MROH2A: variants seen among roughly 807,000 people sequenced by gnomAD.
MROH2A encodes maestro heat-like repeat-containing protein family member 2A.
In MROH2A, 174 loss-of-function variants were observed where a neutral mutation model predicts 200.4. The observed-to-expected ratio is 0.87, with a 90% CI of 0.77 to 0.98. The LOEUF (loss-of-function observed/expected upper bound fraction) is 0.98, where lower values mean the gene tolerates loss of function less well. Ranked by LOEUF, MROH2A falls within the 50% of genes least tolerant of loss-of-function variation. The pLI is 0.00. For missense variants in MROH2A, 2,045 were observed against 2,139.6 expected (o/e 0.96, Z 0.87); for synonymous variants, 829 against 840.4 (o/e 0.99, Z 0.23).
chr2:233,787,665 TATATATATTATATATAC>T (rs1398880636), intron 3 of MROH2A, among the ~76,000 whole-genome samples: 164 of 75,756 alleles, frequency 2.2e-3, no homozygotes, highest in African/African-American at 2.5e-3. Context: ...ACATATATAT[TATATATATTATATATAC>T]ATATATATTA....
At chr2:233,796,408 C>T in intron 11 of MROH2A, 95 bp downstream of exon 11, 1 of 806,906 alleles carries the variant, frequency 1.2e-6, no homozygotes, top group Non-Finnish European at 2.0e-6. Flanking sequence ...CGGGCATTGC[C>T]ACTTCCTAGA....
At chr2:233,811,344 G>A (rs533847432) in intron 23 of MROH2A, among the ~76,000 whole-genome samples, 1 of 152,348 alleles carries the variant, frequency 6.6e-6, no homozygotes, top group East Asian at 1.9e-4. Flanking sequence ...CTGTCCAAAG[G>A]CTGATGGAAC....
upstream of MROH2A, chr2:233,778,264 G>A (rs984035696): frequency 1.1e-4 from 18 of 160,026 alleles, no homozygotes; most frequent in Middle Eastern, 5.8e-4. Context: ...GGATCTCAAA[G>A]TTCCGAGGGT....
rs1418249788 is a variant in MROH2A at position 233,796,433 on chromosome 2, C to T, written c.1252+120C>T. The T allele has an allele frequency of 1.1e-5, 7 of 643,004 alleles. No individual in the cohort carries two copies. The East Asian group carries it at 1.1e-4, about 10-fold the overall frequency. The allele number at this position is 643,004 out of a possible 1,614,324, so 39.8% of individuals were successfully genotyped here. A position where few individuals can be genotyped will look rare whatever the true frequency, so the allele number is the denominator to read the frequency against. ...CACTTCCTAGACACTACTGGGTGGG[C>T]CAAGAAAGCCAAGGTTCTTGGCTGC... On this transcript the variant is annotated intron_variant, in intron 11 of 41. Transcript: ENST00000389758.
At chr2:233,811,367 CA>C (rs1287989435) in intron 23 of MROH2A, among the ~76,000 whole-genome samples, 1 of 152,218 alleles carries the variant, frequency 6.6e-6, no homozygotes, top group Non-Finnish European at 1.5e-5. Flanking sequence ...GTGGGGCCGC[CA>C]ATGTCCTTAA....
intron 16 of MROH2A, among the ~76,000 whole-genome samples, chr2:233,803,846 C>G (rs1425895438): frequency 1.3e-5 from 2 of 152,134 alleles, no homozygotes; most frequent in Admixed American, 6.5e-5. Flanking sequence ...TGCACTGAAG[C>G]CTGGGGTGGG....
chr2:233,785,071 G>T (rs965024250), intron 3 of MROH2A, among the ~76,000 whole-genome samples: 23 of 152,036 alleles, frequency 1.5e-4, no homozygotes, highest in Admixed American at 7.9e-4. Flanking sequence ...GCTTGAACCC[G>T]GGAGGTGGAG....
Position 233,828,208 on chromosome 2 carries a change from C to T in MROH2A, c.4114-422C>T, listed in dbSNP as rs72970232. Among the ~76,000 whole-genome samples the T allele has an allele frequency of 4.6e-5, 7 of 152,282 alleles. No individual in the cohort carries two copies. The highest frequency in any genetic ancestry group is 1.3e-4 in the Admixed American group (2 of 15,308). ...GCATGCACACATGTACACACATGTA[C>T]ACACATGCATGCACCCACACGCATA... On this transcript the variant is annotated intron_variant, in intron 35 of 41. Coordinates refer to ENST00000389758, the MANE Select transcript of MROH2A (RefSeq NM_001394639.1). This position sits in a 1 kb window ranked among gnomAD's most constrained non-coding sequence, Gnocchi z 4.6.
rs763334333 is a variant in MROH2A, at chr2:233,831,544, A to T, written c.4734+4A>T. Reference sequence around the variant, plus strand: ...GACAACCATGTGCTCCATCCTGGTGAGGAAGCCAAAGGGGGAACCAGCCCG... The same window carrying T: ...GACAACCATGTGCTCCATCCTGGTGTGGAAGCCAAAGGGGGAACCAGCCCG... On this transcript the variant is annotated splice_donor_region_variant and intron_variant, in intron 39 of 41. Transcript: ENST00000389758. 1 of 1,548,196 alleles carries T rather than the reference A, an allele frequency of 6.5e-7. No individual in the cohort carries two copies. The highest frequency in any genetic ancestry group is 2.4e-5 in the East Asian group (1 of 40,834).
rs1042520691 is a variant in MROH2A at position 233,803,471 on chromosome 2, C to T, written c.1732C>T (p.Leu578=). The T allele has an allele frequency of 1.8e-5, 28 of 1,550,512 alleles. No individual in the cohort carries two copies. Among genetic ancestry groups the T allele is most frequent in the Non-Finnish European group, 2.4e-5 (27 of 1,146,962 alleles). ...AGTGGACCTGCCTGCACCTCAGAAG[C>T]TGCTGGCCCGTCTCCTGGTGAGTGG... is the stretch of plus-strand genomic sequence containing the variant. ...RQVDLPAPQK[L]LARLLVLMSS... The change falls in exon 16 of 42, where the codon CTG becomes TTG. Residue 578 remains leucine, a synonymous_variant. Coordinates refer to ENST00000389758, the MANE Select transcript of MROH2A (RefSeq NM_001394639.1).
At chr2:233,799,614 C>A (rs1344524559) in intron 12 of MROH2A, among the ~76,000 whole-genome samples, 166 bp from the exon 13 acceptor site, 1 of 152,088 alleles carries the variant, frequency 6.6e-6, no homozygotes, top group African/African-American at 2.4e-5. Flanking sequence ...CAGAGTGGGA[C>A]CCCTGGATGA....
At chr2:233,808,079 C>G (rs1223522136) in intron 21 of MROH2A, among the ~76,000 whole-genome samples, 1 of 152,186 alleles carries the variant, frequency 6.6e-6, no homozygotes, top group Non-Finnish European at 1.5e-5. Context: ...GACCCAGATA[C>G]TGTCACGGAG....
At position 233,799,763 on chromosome 2, in the gene MROH2A, C is replaced by T. The variant is rs541743303; in HGVS notation, c.1330-17C>T. The T allele has an allele frequency of 7.1e-6, 11 of 1,550,198 alleles. No individual in the cohort carries two copies. The highest frequency in any genetic ancestry group is 1.7e-4 in the Middle Eastern group (1 of 5,928). ...CCCACCCCAACCCCCAGCATGTCCA[C>T]GGTCCTGTCCCCTCAGGTGAGGATG... On this transcript the variant is annotated splice_polypyrimidine_tract_variant and intron_variant, in intron 12 of 41. Coordinates refer to ENST00000389758, the MANE Select transcript of MROH2A (RefSeq NM_001394639.1).
At chr2:233,804,326 G>C in intron 17 of MROH2A, 134 bp downstream of exon 17, 1 of 1,406,524 alleles carries the variant, frequency 7.1e-7, no homozygotes, top group Admixed American at 2.1e-5. Flanking sequence ...TTTGTCCTGA[G>C]AACTGGTTGA....
intron 11 of MROH2A, among the ~76,000 whole-genome samples, chr2:233,797,462 G>A (rs1287867260): frequency 2.0e-5 from 3 of 152,176 alleles, no homozygotes; most frequent in Admixed American, 6.5e-5. Flanking sequence ...ATATTATGCA[G>A]CTATTAAAAA....
rs1318076470 is a variant in MROH2A, at chr2:233,792,805, T to A, written c.581T>A (p.Phe194Tyr). 1.3e-6 allele frequency: 2 copies of A among 1,543,834 alleles called. No individual in the cohort carries two copies. The highest frequency in any genetic ancestry group is 1.8e-6 in the Non-Finnish European group (2 of 1,140,982). The change falls in exon 6 of 42, where the codon TTC becomes TAC. Residue 194 changes from phenylalanine to tyrosine, a missense_variant. This residue lies in a region of MROH2A where 831 missense variants were observed against 800.0 expected (regional missense o/e 1.04). Coordinates refer to ENST00000389758, the MANE Select transcript of MROH2A (RefSeq NM_001394639.1). ...CCTCACAACCTCACAGTGTTTGAGT[T>A]CATGCCATACATGGGCATCACCCTG... is the stretch of plus-strand genomic sequence containing the variant. The part of the protein sequence containing the change: ...AKLANGNVFE[F>Y]MPYMGITLAT...
At chr2:233,790,794 A>G (rs1236011825) in intron 5 of MROH2A, among the ~76,000 whole-genome samples, 1 of 151,612 alleles carries the variant, frequency 6.6e-6, no homozygotes, top group African/African-American at 2.4e-5. Context: ...CCACTACAAT[A>G]CATAAGACAC....
intron 28 of MROH2A, among the ~76,000 whole-genome samples, 175 bp from the exon 29 acceptor site, chr2:233,818,477 C>T (rs376673080): frequency 2.2e-4 from 34 of 152,112 alleles, no homozygotes; most frequent in Non-Finnish European, 4.7e-4. Flanking sequence ...AGAGGTGGTG[C>T]GGGCAGAGGC....
intron 3 of MROH2A, 130 bp downstream of exon 3, chr2:233,779,982 TG>T: frequency 1.3e-6 from 1 of 784,510 alleles, no homozygotes; most frequent in South Asian, 1.9e-5. Flanking sequence ...GGCAAGACTG[TG>T]AGGTGCTTAC....
Sources: gnomAD v4.1 joint callset for allele counts (sites outside exome capture counted in the v4.1 genomes callset) on GRCh38, gnomAD v4.1.1 for gene constraint, gnomAD v4.1.1 regional missense constraint, Gnocchi (gnomAD v3.1) non-coding constraint, MANE v1.5 for transcripts, NCBI Gene and HGNC (gene_info 2026-07-23, HGNC 2026-07-21) for gene names.